TSNARE1: variants seen among roughly 807,000 people sequenced by gnomAD.
TSNARE1 encodes t-SNARE domain-containing protein 1.
Under a neutral mutation model 62.0 loss-of-function variants are expected in TSNARE1, and 49 were observed. That is an observed-to-expected ratio of 0.79 (90% confidence interval 0.63 to 1.00). TSNARE1 has a LOEUF of 1.00. TSNARE1 is among the 50% of genes least tolerant of loss of function. The pLI, the probability that TSNARE1 is intolerant of heterozygous loss-of-function variation, is 0.00. For synonymous variants in TSNARE1, 328 were observed against 294.4 expected (o/e 1.11, Z -1.17); for missense variants, 755 against 700.1 (o/e 1.08, Z -0.88).
chr8:142,246,630 C>A (rs988434553), intron 12 of TSNARE1, among the ~76,000 whole-genome samples: 3 of 152,182 alleles, frequency 2.0e-5, no homozygotes, highest in African/African-American at 7.2e-5. Flanking sequence ...TTTGGGGAAG[C>A]CTCTTGGCTT....
At chr8:142,214,375 C>T (rs561084202) in intron 13 of TSNARE1, among the ~76,000 whole-genome samples, 5 of 152,298 alleles carry the variant, frequency 3.3e-5, no homozygotes, top group Non-Finnish European at 7.4e-5. Context: ...ACCCCTGCCA[C>T]CTCCTCTCCC....
At chr8:142,303,772 C>G (rs1826179426) in intron 9 of TSNARE1, among the ~76,000 whole-genome samples, 1 of 152,246 alleles carries the variant, frequency 6.6e-6, no homozygotes, top group African/African-American at 2.4e-5. Context: ...TCACTAGTCC[C>G]CACAGTCTGC....
intron 12 of TSNARE1, among the ~76,000 whole-genome samples, chr8:142,268,289 G>C (rs1457748825): frequency 6.6e-6 from 1 of 152,258 alleles, no homozygotes; most frequent in Non-Finnish European, 1.5e-5. Flanking sequence ...CGTGTGCACT[G>C]TGGAGACACA....
intron 1 of TSNARE1, among the ~76,000 whole-genome samples, chr8:142,396,234 AAC>A (rs144100549): frequency 1.5e-4 from 23 of 151,406 alleles, no homozygotes; most frequent in African/African-American, 4.6e-4. Context: ...GATAAACACA[AAC>A]ACACACACAC....
chr8:142,304,228 C>T (rs13264967), intron 9 of TSNARE1, among the ~76,000 whole-genome samples: 18,629 of 152,314 alleles, frequency 0.12, 1,441 homozygotes, highest in East Asian at 0.18. Flanking sequence ...CAGTGCCTGG[C>T]GGTGGGAGCC....
chr8:142,227,054 GC>G (rs1406132810), intron 13 of TSNARE1, among the ~76,000 whole-genome samples: 1 of 141,610 alleles, frequency 7.1e-6, no homozygotes, highest in Non-Finnish European at 1.5e-5. Flanking sequence ...TGACAGCCAG[GC>G]CCCCCACTGC....
At chr8:142,240,824 A>C (rs1454689275) in intron 12 of TSNARE1, among the ~76,000 whole-genome samples, 1 of 152,226 alleles carries the variant, frequency 6.6e-6, no homozygotes, top group African/African-American at 2.4e-5. Flanking sequence ...AAAACACAGG[A>C]TGCAGTATAA....
At chr8:142,251,092 T>C (rs1383280569) in intron 12 of TSNARE1, among the ~76,000 whole-genome samples, 4 of 152,132 alleles carry the variant, frequency 2.6e-5, no homozygotes, top group Admixed American at 1.3e-4. Context: ...TGTGCCCATT[T>C]AAAAGACGAA....
chr8:142,327,512 T>C (rs1443474248), intron 6 of TSNARE1, among the ~76,000 whole-genome samples: 3 of 152,188 alleles, frequency 2.0e-5, no homozygotes, highest in Non-Finnish European at 4.4e-5. Flanking sequence ...GGTCTGTCCC[T>C]ACATATGGAG....
upstream of TSNARE1, chr8:142,404,098 T>A (rs548017928): frequency 6.6e-6 from 1 of 151,840 alleles, no homozygotes; most frequent in Non-Finnish European, 1.5e-5. Flanking sequence ...CCGCCCTCAC[T>A]CTGTGATGCT....
At chr8:142,222,913 C>CACTT (rs1816480073) in intron 13 of TSNARE1, among the ~76,000 whole-genome samples, 1 of 118,364 alleles carries the variant, frequency 8.4e-6, no homozygotes, top group African/African-American at 3.2e-5. Context: ...CTCATCCACT[C>CACTT]ATTCACTCAT....
intron 11 of TSNARE1, chr8:142,275,606 C>G: frequency 1.0e-6 from 1 of 985,412 alleles, no homozygotes; most frequent in Non-Finnish European, 1.2e-6. Flanking sequence ...GGGTCCTCAA[C>G]AGAGCCACAT....
chr8:142,278,455 C>CA, intron 11 of TSNARE1: 1 of 985,476 alleles, frequency 1.0e-6, no homozygotes, highest in Non-Finnish European at 1.2e-6. Context: ...AAAGTCCTTC[C>CA]AGCAGCTCCC....
intron 11 of TSNARE1, among the ~76,000 whole-genome samples, chr8:142,282,582 GGGCCAGTGTCTATCAATGAGCAGAGGGGA>G (rs1354054872): frequency 1.5e-4 from 22 of 150,726 alleles, no homozygotes; most frequent in Non-Finnish European, 2.4e-4. Flanking sequence ...AGCGGAGGTG[GGGCCAGTGTCTATCAATGAGCAGAGGGGA>G]GGCCACTGTC....
intron 1 of TSNARE1, among the ~76,000 whole-genome samples, chr8:142,387,647 G>C (rs551543437): frequency 2.0e-5 from 3 of 152,102 alleles, no homozygotes; most frequent in Admixed American, 6.5e-5. Flanking sequence ...TTGACAAACA[G>C]GATGAAATTG....
intron 2 of TSNARE1, among the ~76,000 whole-genome samples, chr8:142,352,638 G>T (rs1295353933): frequency 6.6e-6 from 1 of 152,270 alleles, no homozygotes; most frequent in African/African-American, 2.4e-5. Flanking sequence ...CAACGTGGAG[G>T]CTCTCAGAAC....
At chr8:142,289,064 G>T (rs868374552) in intron 10 of TSNARE1, among the ~76,000 whole-genome samples, 1 of 152,166 alleles carries the variant, frequency 6.6e-6, no homozygotes, top group East Asian at 1.9e-4. Context: ...TCTTTAAGAC[G>T]CCTGGCACTC....
chr8:142,376,092 G>A (rs1836315347), intron 1 of TSNARE1, among the ~76,000 whole-genome samples: 1 of 152,224 alleles, frequency 6.6e-6, no homozygotes. Context: ...CAGAGTCCGC[G>A]CCTCCCTGAC....
At chr8:142,308,569 G>A (rs993004128) in intron 9 of TSNARE1, among the ~76,000 whole-genome samples, 3 of 152,106 alleles carry the variant, frequency 2.0e-5, no homozygotes, top group African/African-American at 7.2e-5. Flanking sequence ...TGTGTCCATA[G>A]GCTGGTGTGT....
Sources: allele counts gnomAD v4.1 joint callset (sites outside exome capture counted in the v4.1 genomes callset), GRCh38; gene constraint gnomAD v4.1.1; transcripts MANE v1.5; gene names NCBI Gene and HGNC (gene_info 2026-07-23, HGNC 2026-07-21).